Variants in PDE1C observed in about 807,000 individuals in gnomAD.
The protein encoded by PDE1C is dual specificity calcium/calmodulin-dependent 3',5'-cyclic nucleotide phosphodiesterase 1C.
PDE1C carries 62 observed loss-of-function variants against 93.1 expected under a neutral mutation model. The observed-to-expected ratio is 0.67, with a 90% CI of 0.54 to 0.82. PDE1C has a LOEUF of 0.82. Ranked by LOEUF, PDE1C falls within the 40% of genes least tolerant of loss-of-function variation. PDE1C has a pLI of 0.00. For missense variants in PDE1C, 742 were observed against 884.6 expected (o/e 0.84, Z 2.04); for synonymous variants, 325 against 310.1 (o/e 1.05, Z -0.50).
At chr7:32,014,021 C>T (rs986836195) in intron 2 of PDE1C, among the ~76,000 whole-genome samples, 1 of 152,160 alleles carries the variant, frequency 6.6e-6, no homozygotes, top group Non-Finnish European at 1.5e-5. Flanking sequence ...AGAAAGAAGA[C>T]AAAGAAAGCC....
intron 13 of PDE1C, 28 bp downstream of exon 13, chr7:31,824,839 C>T (rs1789458600): frequency 1.2e-6 from 2 of 1,610,864 alleles, no homozygotes; most frequent in African/African-American, 1.3e-5. Context: ...GCCAACCTCA[C>T]CCTCAGCCCT....
chr7:32,269,152 C>T (rs1338861799), intron 1 of PDE1C, among the ~76,000 whole-genome samples: 1 of 152,146 alleles, frequency 6.6e-6, no homozygotes. Flanking sequence ...AGGAAGCAAC[C>T]TCAATGTTGC....
At chr7:31,958,982 C>A (rs549660135) in intron 2 of PDE1C, among the ~76,000 whole-genome samples, 1 of 152,254 alleles carries the variant, frequency 6.6e-6, no homozygotes, top group African/African-American at 2.4e-5. Context: ...TTCTTCCTAT[C>A]ACCCCTTTCC....
chr7:32,159,424 A>C (rs549388420), intron 3 of PDE1C, among the ~76,000 whole-genome samples: 3 of 152,236 alleles, frequency 2.0e-5, no homozygotes, highest in Non-Finnish European at 2.9e-5. Context: ...TACAGGGCAC[A>C]GTTTTAAAGG....
intron 16 of PDE1C, among the ~76,000 whole-genome samples, chr7:31,799,381 C>T (rs1785706100): frequency 6.6e-6 from 1 of 151,574 alleles, no homozygotes; most frequent in Non-Finnish European, 1.5e-5. Context: ...AAAATATGAA[C>T]ATGATGAAAA....
At chr7:31,765,742 A>C (rs1208657303) in intron 17 of PDE1C, among the ~76,000 whole-genome samples, 1 of 152,202 alleles carries the variant, frequency 6.6e-6, no homozygotes, top group Non-Finnish European at 1.5e-5. Context: ...TCTTCACTTA[A>C]AAGATAGTGC....
intron 2 of PDE1C, among the ~76,000 whole-genome samples, chr7:31,926,901 TTTTTGTTTTG>T (rs111533454): frequency 2.0e-5 from 3 of 151,656 alleles, no homozygotes; most frequent in South Asian, 2.1e-4. Flanking sequence ...TGCAGGAGTT[TTTTTGTTTTG>T]TTTTGTTTTG....
chr7:31,742,806 C>T, the PDE1C span, among the ~76,000 whole-genome samples: 1 of 152,196 alleles, frequency 6.6e-6, no homozygotes, highest in East Asian at 1.9e-4. Flanking sequence ...AATCAAACTG[C>T]TCACTGTGTG....
In PDE1C at chr7:32,250,942, C is replaced by A. The variant is rs956895547; in HGVS notation, c.86-41403G>T. ...ATTCTGCTTCTTTTGATTGAAAAGGCGCATGATCTAATGCCAGATGGCGAC... is the reference window on the plus strand; with the variant it reads ...ATTCTGCTTCTTTTGATTGAAAAGGAGCATGATCTAATGCCAGATGGCGAC... On this transcript the variant is annotated intron_variant, in intron 1 of 18. Coordinates refer to the PDE1C transcript ENST00000396193. Among the ~76,000 whole-genome samples the A allele has an allele frequency of 2.0e-5, 3 of 152,212 alleles. No homozygotes were observed. The South Asian group carries it at 6.2e-4, about 32-fold the overall frequency.
chr7:32,123,364 A>C (rs1334168889), intron 3 of PDE1C, among the ~76,000 whole-genome samples: 1 of 152,154 alleles, frequency 6.6e-6, no homozygotes, highest in Non-Finnish European at 1.5e-5. Context: ...CATTTTATAA[A>C]GCCAGCATCA....
chr7:31,753,343 T>G lies in PDE1C; in HGVS notation c.*41A>C, dbSNP rs564214732. 7.6e-6 allele frequency: 12 copies of G among 1,588,798 alleles called. No individual in the cohort carries two copies. In the African/African-American group the frequency reaches 1.6e-4, roughly 21 times the overall value. ...TGGCCAGTGGGTGCTGAGAAGCAGATAGGTAGACCCTCCTTCACTCCCTCT... is the reference window on the plus strand; with the variant it reads ...TGGCCAGTGGGTGCTGAGAAGCAGAGAGGTAGACCCTCCTTCACTCCCTCT... On this transcript the variant is annotated 3_prime_UTR_variant, in exon 18 of 18. Transcript: ENST00000396191.
chr7:32,088,034 AAG>A (rs1797225318), intron 3 of PDE1C, among the ~76,000 whole-genome samples: 1 of 151,920 alleles, frequency 6.6e-6, no homozygotes, highest in African/African-American at 2.4e-5. Flanking sequence ...AAATAAAAAA[AAG>A]AAAATGTGTT....
intron 2 of PDE1C, among the ~76,000 whole-genome samples, chr7:32,005,683 C>T (rs1021202776): frequency 6.6e-6 from 1 of 150,836 alleles, no homozygotes. Context: ...AGAAGGGGTT[C>T]CTCCAATCAC....
chr7:32,101,291 T>G (rs562572589), intron 3 of PDE1C, among the ~76,000 whole-genome samples: 1 of 152,342 alleles, frequency 6.6e-6, no homozygotes, highest in Non-Finnish European at 1.5e-5. Flanking sequence ...GATATATTTC[T>G]TGGCCAAGGA....
intron 1 of PDE1C, among the ~76,000 whole-genome samples, chr7:32,058,023 A>G (rs1171597549): frequency 6.6e-6 from 1 of 152,216 alleles, no homozygotes; most frequent in Non-Finnish European, 1.5e-5. Context: ...TTAATATTCT[A>G]ACAAGCTGGC....
intron 2 of PDE1C, among the ~76,000 whole-genome samples, chr7:31,928,793 A>G (rs1183812883): frequency 6.6e-6 from 1 of 152,184 alleles, no homozygotes; most frequent in Non-Finnish European, 1.5e-5. Flanking sequence ...AGCACTAAAT[A>G]TGGAAAGGAA....
intron 2 of PDE1C, among the ~76,000 whole-genome samples, chr7:31,914,769 G>A (rs1026410637): frequency 2.0e-5 from 3 of 152,104 alleles, no homozygotes; most frequent in East Asian, 1.9e-4. Flanking sequence ...ATGCTGCCTT[G>A]TACCATTTAT....
chr7:32,300,951 C>T, upstream of PDE1C, among the ~76,000 whole-genome samples: 1 of 151,880 alleles, frequency 6.6e-6, no homozygotes, highest in East Asian at 1.9e-4. Flanking sequence ...GATCTTCCCA[C>T]TTCAGCCTCC....
intron 1 of PDE1C, among the ~76,000 whole-genome samples, chr7:32,250,074 A>G (rs1809253366): frequency 6.6e-6 from 1 of 152,224 alleles, no homozygotes. Context: ...TTCAATCTAT[A>G]GCTCTGTATT....
Sources: allele counts gnomAD v4.1 joint callset (sites outside exome capture counted in the v4.1 genomes callset), GRCh38; gene constraint gnomAD v4.1.1; transcripts MANE v1.5; gene names NCBI Gene and HGNC (gene_info 2026-07-23, HGNC 2026-07-21).